CDH13: variants seen among roughly 807,000 people sequenced by gnomAD.
The protein encoded by CDH13 is cadherin 13.
Under a neutral mutation model 63.8 loss-of-function variants are expected in CDH13, and 24 were observed. That is an observed-to-expected ratio of 0.38 (90% CI 0.27 to 0.53). The LOEUF (loss-of-function observed/expected upper bound fraction) is 0.53. Among genes scored for constraint, CDH13 ranks in the 20% least tolerant of loss-of-function variants. CDH13 has a pLI of 0.85. For missense variants in CDH13, 1,049 were observed against 903.1 expected (o/e 1.16, Z -2.07); for synonymous variants, 503 against 355.3 (o/e 1.42, Z -4.67).
intron 1 of CDH13, among the ~76,000 whole-genome samples, chr16:82,785,992 C>A (rs762247140): frequency 2.0e-5 from 3 of 152,098 alleles, no homozygotes; most frequent in Non-Finnish European, 2.9e-5. Flanking sequence ...ACCACACAGG[C>A]TAAACTAATT....
chr16:83,709,751 A>G (rs1273250502), intron 10 of CDH13, among the ~76,000 whole-genome samples: 1 of 152,260 alleles, frequency 6.6e-6, no homozygotes, highest in Non-Finnish European at 1.5e-5. Context: ...CATTTTATTC[A>G]TAGACTTTGT....
intron 1 of CDH13, among the ~76,000 whole-genome samples, chr16:82,823,041 T>C (rs2038077376): frequency 6.6e-6 from 1 of 152,200 alleles, no homozygotes; most frequent in Non-Finnish European, 1.5e-5. Context: ...CATCTCTCTA[T>C]GGTCTCTGCA....
At chr16:83,697,949 A>G (rs35645109) in intron 10 of CDH13, among the ~76,000 whole-genome samples, 99,198 of 152,112 alleles carry the variant, frequency 0.65, 32,895 homozygotes, top group Middle Eastern at 0.77. Flanking sequence ...CACCCAGCCT[A>G]CAGTAGTTTT....
chr16:82,915,166 G>T (rs548429858), intron 2 of CDH13, among the ~76,000 whole-genome samples: 1 of 152,196 alleles, frequency 6.6e-6, no homozygotes, highest in Non-Finnish European at 1.5e-5. Flanking sequence ...TGGTTATAGC[G>T]CTAGTATTGT....
chr16:83,791,833 C>CAAAAAAAAAAAAAAAAA (rs1916290036), intron 13 of CDH13, among the ~76,000 whole-genome samples: 1 of 140,136 alleles, frequency 7.1e-6, no homozygotes. Flanking sequence ...AAAAAAAAAG[C>CAAAAAAAAAAAAAAAAA]CAAGATGAGC....
intron 2 of CDH13, among the ~76,000 whole-genome samples, chr16:82,943,945 C>T (rs1251328806): frequency 1.3e-5 from 2 of 152,254 alleles, no homozygotes. Context: ...GAAAGAGGGC[C>T]CAGGCAATGT....
chr16:82,661,329 C>T lies in CDH13; in HGVS notation c.45+34192C>T, dbSNP rs538000064. On this transcript the variant is annotated intron_variant, in intron 1 of 13. Transcript: ENST00000567109. ...ACAGCCAAACCCTATTTATGCTTTT[C>T]CTAGGGATGGGGTGGAACAGATAGG... Among the ~76,000 whole-genome samples the T allele has an allele frequency of 5.3e-4, 80 of 152,276 alleles. 1 individual carries two copies. The South Asian group carries it at 0.01, about 20-fold the overall frequency.
At chr16:83,362,960 A>G (rs908515989) in intron 6 of CDH13, among the ~76,000 whole-genome samples, 2 of 152,192 alleles carry the variant, frequency 1.3e-5, no homozygotes, top group Non-Finnish European at 2.9e-5. Context: ...ATCCCTGTCC[A>G]TGGGGTTTTT....
At chr16:83,518,367 G>A (rs760925253) in intron 7 of CDH13, among the ~76,000 whole-genome samples, 33 of 151,654 alleles carry the variant, frequency 2.2e-4, no homozygotes, top group African/African-American at 2.7e-4. Context: ...GGATGGTCTC[G>A]ATCTCCTGAC....
At chr16:83,764,518 G>C (rs1374016096) in intron 11 of CDH13, among the ~76,000 whole-genome samples, 2 of 152,102 alleles carry the variant, frequency 1.3e-5, no homozygotes, top group African/African-American at 4.8e-5. Flanking sequence ...TCTTTTAGCT[G>C]GTCCCCCACT....
intron 2 of CDH13, among the ~76,000 whole-genome samples, chr16:82,860,397 G>C (rs1032780126): frequency 1.5e-5 from 2 of 130,780 alleles, no homozygotes; most frequent in African/African-American, 5.7e-5. Flanking sequence ...GTGGGGGGGG[G>C]GGCGGCGGTG....
chr16:83,150,043 C>G (rs2036909326), intron 4 of CDH13, among the ~76,000 whole-genome samples: 1 of 152,184 alleles, frequency 6.6e-6, no homozygotes, highest in Admixed American at 6.5e-5. Flanking sequence ...CCACATTCAC[C>G]TGTAAGACTG....
intron 1 of CDH13, among the ~76,000 whole-genome samples, chr16:82,735,961 G>T (rs1479127876): frequency 6.6e-6 from 1 of 152,166 alleles, no homozygotes; most frequent in African/African-American, 2.4e-5. Flanking sequence ...TGATTTAGAG[G>T]TTTCTCTGCT....
intron 8 of CDH13, among the ~76,000 whole-genome samples, chr16:83,627,365 A>C (rs1910406164): frequency 6.6e-6 from 1 of 152,188 alleles, no homozygotes; most frequent in Non-Finnish European, 1.5e-5. Context: ...TAAACTAGAC[A>C]GAGATGAACA....
intron 2 of CDH13, among the ~76,000 whole-genome samples, chr16:82,910,339 C>T (rs1207805008): frequency 6.6e-6 from 1 of 152,184 alleles, no homozygotes; most frequent in Non-Finnish European, 1.5e-5. Flanking sequence ...GATGACATTT[C>T]TCCAGTAATG....
intron 10 of CDH13, among the ~76,000 whole-genome samples, chr16:83,740,603 T>G (rs1410968797): frequency 6.6e-6 from 1 of 152,194 alleles, no homozygotes; most frequent in African/African-American, 2.4e-5. Flanking sequence ...AGCTGCCATA[T>G]GCCAGTCAGA....
chr16:83,278,400 T>C (rs76995467), intron 5 of CDH13, among the ~76,000 whole-genome samples: 11,429 of 152,112 alleles, frequency 0.075, 602 homozygotes, highest in Non-Finnish European at 0.11. Context: ...CCCTCTGAAA[T>C]GGGGAAAGGT....
In CDH13 at chr16:82,705,246, G is replaced by A. The variant is rs141587447; in HGVS notation, c.45+78109G>A. 242 of 444,318 alleles carry A rather than the reference G, an allele frequency of 5.4e-4. 4 individuals are homozygous for A. The East Asian group carries it at 0.015, about 27-fold the overall frequency. The allele number at this position is 444,318 out of a possible 1,614,324, so 27.5% of individuals were successfully genotyped here. On this transcript the variant is annotated intron_variant, in intron 1 of 13. Coordinates refer to ENST00000567109, the MANE Select transcript of CDH13 (RefSeq NM_001257.5). ...CACATGAGAGGGAGGACAAGGTGCG[G>A]CTGCACTTCAAGAGACCACGTTGGA...
intron 8 of CDH13, among the ~76,000 whole-genome samples, chr16:83,644,081 C>T (rs956233796): frequency 2.6e-5 from 4 of 152,370 alleles, no homozygotes; most frequent in African/African-American, 9.6e-5. Context: ...TGAAACCCAA[C>T]AGAGTCCTTG....
Sources: allele counts gnomAD v4.1 joint callset (sites outside exome capture counted in the v4.1 genomes callset), GRCh38; gene constraint gnomAD v4.1.1; transcripts MANE v1.5; gene names NCBI Gene and HGNC (gene_info 2026-07-23, HGNC 2026-07-21).